The following ZMPSTE24 variants were observed in gnomAD, a reference collection of about 807,000 sequenced individuals.
ZMPSTE24 encodes the protein zinc metallopeptidase STE24.
A neutral mutation model predicts 56.7 loss-of-function variants in ZMPSTE24; 48 were observed. That is an observed-to-expected ratio of 0.85 (90% CI 0.67 to 1.08). The LOEUF is 1.08. Among genes scored for constraint, ZMPSTE24 ranks in the 50% least tolerant of loss-of-function variants. The pLI, the probability that ZMPSTE24 is intolerant of heterozygous loss-of-function variation, is 0.00. For synonymous variants in ZMPSTE24, 172 were observed against 195.2 expected (o/e 0.88, Z 0.99); for missense variants, 503 against 548.7 (o/e 0.92, Z 0.83).
intron 2 of ZMPSTE24, among the ~76,000 whole-genome samples, chr1:40,261,769 G>A (rs1056971257): frequency 6.6e-6 from 1 of 152,064 alleles, no homozygotes; most frequent in African/African-American, 2.4e-5. Context: ...GAGTGCAGTC[G>A]CACGATCTTG....
At chr1:40,260,626 T>C (rs755684192) in intron 1 of ZMPSTE24, among the ~76,000 whole-genome samples, 5 of 152,166 alleles carry the variant, frequency 3.3e-5, no homozygotes, top group Non-Finnish European at 4.4e-5. Flanking sequence ...CTGATTATAG[T>C]TTTACCAGTC....
rs1423121378 is a variant in ZMPSTE24 at position 40,294,055 on chromosome 1, CT to C, written c.*1390del. 7 of 152,774 alleles carry C rather than the reference CT, an allele frequency of 4.6e-5. No homozygotes were observed. The East Asian group carries it at 1.3e-3, about 29-fold the overall frequency. The allele number at this position is 152,774 out of a possible 1,614,324, so 9.5% of individuals were successfully genotyped here. ...AAGGCTAAAGAGGAGCAGTCCTATG[CT>C]TTTATTCAGCATCCTTTATCTGTGA... On this transcript the variant is annotated 3_prime_UTR_variant, in exon 10 of 10. Coordinates refer to ENST00000372759, the MANE Select transcript of ZMPSTE24 (RefSeq NM_005857.5).
Position 40,292,620 on chromosome 1 carries a change from C to A in ZMPSTE24, c.1379C>A (p.Pro460His), listed in dbSNP as rs546181580. 1 of 1,613,992 alleles carries A rather than the reference C, an allele frequency of 6.2e-7. No individual in the cohort carries two copies. ...WLFSMWHYSH[P>H]PLLERLQALK... ...TTCTCAATGTGGCATTATTCTCATC[C>A]TCCACTGCTAGAGAGACTTCAAGCT... Residue 460 changes from proline to histidine, a missense_variant, in exon 10 of 10, where the codon CCT becomes CAT. Transcript: ENST00000372759.
At chr1:40,258,830 A>G (rs1232333029) in intron 1 of ZMPSTE24, among the ~76,000 whole-genome samples, 1 of 151,520 alleles carries the variant, frequency 6.6e-6, no homozygotes, top group Non-Finnish European at 1.5e-5. Context: ...AAGTGCATAT[A>G]TTGTTTCTGC....
rs769037884 is a variant in ZMPSTE24 at position 40,258,399 on chromosome 1, G to T, written c.123+5G>T. 6.2e-7 allele frequency: 1 copy of T among 1,614,006 alleles called. No homozygotes were observed. The highest frequency in any genetic ancestry group is 8.5e-7 in the Non-Finnish European group (1 of 1,180,026). The stretch of plus-strand genomic sequence containing the variant: ...ACCTTCCTAGCACAGCGGCAGGTGA[G>T]CCTAGACAGGGTCCAACCTGACCCC... On this transcript the variant is annotated splice_donor_5th_base_variant and intron_variant, in intron 1 of 9. Transcript: ENST00000372759.
rs2124005956 is a variant in ZMPSTE24, at chr1:40,292,732, C to T, written c.*63C>T. On this transcript the variant is annotated 3_prime_UTR_variant, in exon 10 of 10. Transcript: ENST00000372759. ...TTTCTGTCCTGGCAGCATGTTCCAG[C>T]TCTTGATGTTTTTAAACTTTTTTTT... is the stretch of plus-strand genomic sequence containing the variant. 1 of 1,520,152 alleles carries T rather than the reference C, an allele frequency of 6.6e-7. No individual in the cohort carries two copies. Among genetic ancestry groups the T allele is most frequent in the South Asian group, 1.2e-5 (1 of 85,938 alleles). 94.2% of individuals were successfully genotyped at this position (1,520,152 alleles called of 1,614,324 possible).
intron 2 of ZMPSTE24, among the ~76,000 whole-genome samples, chr1:40,263,511 A>C (rs953743242): frequency 2.0e-5 from 3 of 152,212 alleles, no homozygotes; most frequent in African/African-American, 7.2e-5. Flanking sequence ...GACATTGAAA[A>C]ATCCATTCTT....
At chr1:40,263,828 A>G (rs1643522185) in intron 2 of ZMPSTE24, among the ~76,000 whole-genome samples, 1 of 150,248 alleles carries the variant, frequency 6.7e-6, no homozygotes, top group African/African-American at 2.5e-5. Flanking sequence ...TCACATAAAT[A>G]TGACACTGCA....
In ZMPSTE24 at chr1:40,293,972, C is replaced by T. The variant is rs968546857; in HGVS notation, c.*1303C>T. 1 of 152,562 alleles carries T rather than the reference C, an allele frequency of 6.6e-6. No individual in the cohort carries two copies. The highest frequency in any genetic ancestry group is 2.4e-5 in the African/African-American group (1 of 41,430). 9.5% of individuals were successfully genotyped at this position (152,562 alleles called of 1,614,324 possible). The stretch of plus-strand genomic sequence containing the variant: ...TCCGCTGACATTTGGGTGATGTCTT[C>T]ACATGGAAATATAATAAAAATAAAA... On this transcript the variant is annotated 3_prime_UTR_variant, in exon 10 of 10. Transcript: ENST00000372759.
In ZMPSTE24 at chr1:40,288,476, G is replaced by T. The variant is rs1312529952; in HGVS notation, c.1060-2378G>T. ...GAGATGTGGTACCTTATCAAGGCTGGGATTGATTGCTTCTCTGGACAGATT... is the reference window on the plus strand; with the variant it reads ...GAGATGTGGTACCTTATCAAGGCTGTGATTGATTGCTTCTCTGGACAGATT... On this transcript the variant is annotated intron_variant, in intron 8 of 9. Transcript: ENST00000372759. Among the ~76,000 whole-genome samples, 4 of 152,200 alleles carry T rather than the reference G, an allele frequency of 2.6e-5. No homozygotes were observed. The East Asian group carries it at 7.7e-4, about 29-fold the overall frequency.
At chr1:40,273,701 C>T (rs1643639955) in intron 6 of ZMPSTE24, among the ~76,000 whole-genome samples, 1 of 143,650 alleles carries the variant, frequency 7.0e-6, no homozygotes, top group Admixed American at 7.0e-5. Flanking sequence ...AATAACTACT[C>T]TTTTTTTTTT....
rs552267999 is a variant in ZMPSTE24 at position 40,277,512 on chromosome 1, C to T, written c.770-3831C>T. 1.1e-4 allele frequency among the ~76,000 whole-genome samples: 17 copies of T among 152,150 alleles called. No individual in the cohort carries two copies. The South Asian group carries it at 3.5e-3, about 32-fold the overall frequency. On this transcript the variant is annotated intron_variant, in intron 6 of 9. Coordinates refer to ENST00000372759, the MANE Select transcript of ZMPSTE24 (RefSeq NM_005857.5). Reference sequence around the variant, plus strand: ...CCAGTATCTACTTCTAACAAGTACCCCTAGGTGATTTTGGCGTATTCCTTG... The same window carrying T: ...CCAGTATCTACTTCTAACAAGTACCTCTAGGTGATTTTGGCGTATTCCTTG...
intron 6 of ZMPSTE24, among the ~76,000 whole-genome samples, chr1:40,277,268 A>G (rs1198002467): frequency 6.6e-6 from 1 of 151,902 alleles, no homozygotes; most frequent in South Asian, 2.1e-4. Context: ...TTGTATTTTT[A>G]GTAGAGACAA....
chr1:40,267,487 C>T (rs1171140486), intron 2 of ZMPSTE24, among the ~76,000 whole-genome samples: 27 of 151,436 alleles, frequency 1.8e-4, no homozygotes, highest in Admixed American at 1.8e-3. Flanking sequence ...ACCTCAGTCC[C>T]CCAAGTAGCT....
intron 2 of ZMPSTE24, among the ~76,000 whole-genome samples, chr1:40,266,553 G>T (rs1255204054): frequency 1.3e-5 from 2 of 152,036 alleles, no homozygotes. Context: ...TGAAAGCCGG[G>T]CCCCTACCTC....
intron 7 of ZMPSTE24, 66 bp downstream of exon 7, chr1:40,281,593 A>G: frequency 6.6e-7 from 1 of 1,506,014 alleles, no homozygotes; most frequent in Non-Finnish European, 9.1e-7. Context: ...ACAACTCAAA[A>G]TAACATCAAT....
intron 1 of ZMPSTE24, chr1:40,259,304 CTTTTA>C (rs1273836633): frequency 1.3e-5 from 2 of 151,718 alleles, no homozygotes; most frequent in Non-Finnish European, 2.9e-5. Context: ...GAGATCTGAA[CTTTTA>C]TTTATTTATT....
intron 2 of ZMPSTE24, 119 bp downstream of exon 2, chr1:40,261,104 T>C (rs1643492707): frequency 7.8e-7 from 1 of 1,287,654 alleles, no homozygotes; most frequent in Admixed American, 1.7e-5. Context: ...ACCTTTGTTA[T>C]TGATAGTAAC....
At chr1:40,262,120 A>G (rs1352928993) in intron 2 of ZMPSTE24, among the ~76,000 whole-genome samples, 1 of 152,210 alleles carries the variant, frequency 6.6e-6, no homozygotes, top group African/African-American at 2.4e-5. Context: ...ATGATCAGCT[A>G]CCATCATTGT....
Sources: gnomAD v4.1 joint callset for allele counts (sites outside exome capture counted in the v4.1 genomes callset) on GRCh38, gnomAD v4.1.1 for gene constraint, MANE v1.5 for transcripts, NCBI Gene and HGNC (gene_info 2026-07-23, HGNC 2026-07-21) for gene names.